Variants in HECTD2 observed in about 807,000 individuals in gnomAD.
The protein encoded by HECTD2 is HECT domain E3 ubiquitin protein ligase 2.
In HECTD2, 35 loss-of-function variants were observed where a neutral mutation model predicts 103.2. The observed-to-expected ratio is 0.34, with a 90% CI of 0.26 to 0.45. The LOEUF (loss-of-function observed/expected upper bound fraction) is 0.45, where lower values mean the gene tolerates loss of function less well. HECTD2 is among the 20% of genes least tolerant of loss of function. The pLI is 1.00. For missense variants in HECTD2, 596 were observed against 937.4 expected (o/e 0.64, Z 4.76); for synonymous variants, 281 against 329.9 (o/e 0.85, Z 1.61).
At chr10:91,417,419 G>A (rs557026179) in intron 1 of HECTD2, among the ~76,000 whole-genome samples, 7 of 151,238 alleles carry the variant, frequency 4.6e-5, no homozygotes, top group South Asian at 4.2e-4. Flanking sequence ...TGTGCACAAC[G>A]TGCAGTTCTG....
chr10:91,439,479 A>G (rs1379333378), intron 2 of HECTD2, among the ~76,000 whole-genome samples: 1 of 152,092 alleles, frequency 6.6e-6, no homozygotes, highest in Admixed American at 6.6e-5. Flanking sequence ...TGTTTTGGTT[A>G]CTGTAGCCTT....
chr10:91,422,586 T>C (rs896926690), intron 1 of HECTD2, among the ~76,000 whole-genome samples: 1 of 152,166 alleles, frequency 6.6e-6, no homozygotes, highest in African/African-American at 2.4e-5. Flanking sequence ...CTAATACATA[T>C]AATAAGGAAT....
chr10:91,461,452 A>T (rs1179731730), intron 4 of HECTD2, 96 bp downstream of exon 4: 1 of 603,596 alleles, frequency 1.7e-6, no homozygotes, highest in Non-Finnish European at 2.9e-6. Context: ...TATTGATTTA[A>T]ACATGCATAT....
In HECTD2 at chr10:91,460,542, G is replaced by A; in HGVS notation, c.384G>A (p.Gln128=). Residue 128 remains glutamine, a synonymous_variant, in exon 3 of 21, where the codon CAG becomes CAA. Coordinates refer to ENST00000298068, the MANE Select transcript of HECTD2 (RefSeq NM_182765.6). ...TTCCAGAACCTATTCTTCCTATCCA[G>A]CCCAAAACTGTGAAAGACTTTCAGT... ...PVLPEPILPI[Q]PKTVKDFQED... 6.2e-7 allele frequency: 1 copy of A among 1,610,104 alleles called. No individual in the cohort carries two copies. The highest frequency in any genetic ancestry group is 8.5e-7 in the Non-Finnish European group (1 of 1,178,598).
rs1238410333 is a variant in HECTD2, at chr10:91,512,581, G to C, written c.*197G>C. Reference sequence around the variant, plus strand: ...CTAAAAACACACACAGAAATCGCTTGAGTGAGGAAAAGTCCACATGGCAGA... The same window carrying C: ...CTAAAAACACACACAGAAATCGCTTCAGTGAGGAAAAGTCCACATGGCAGA... On this transcript the variant is annotated 3_prime_UTR_variant, in exon 21 of 21. Transcript: ENST00000298068. 5.7e-6 allele frequency: 3 copies of C among 529,150 alleles called. No individual in the cohort carries two copies. The highest frequency in any genetic ancestry group is 9.9e-6 in the Non-Finnish European group (3 of 303,794). The allele number at this position is 529,150 out of a possible 1,614,324, so 32.8% of individuals were successfully genotyped here. A position where few individuals can be genotyped will look rare whatever the true frequency, so the allele number is the denominator to read the frequency against.
At chr10:91,440,335 T>C (rs780408774) in intron 2 of HECTD2, among the ~76,000 whole-genome samples, 1 of 152,072 alleles carries the variant, frequency 6.6e-6, no homozygotes, top group African/African-American at 2.4e-5. Flanking sequence ...TTGAGAAAAT[T>C]GTGTGGTTTT....
chr10:91,477,967 CAT>C (rs916497099), intron 5 of HECTD2, among the ~76,000 whole-genome samples: 5 of 152,126 alleles, frequency 3.3e-5, no homozygotes, highest in African/African-American at 1.2e-4. Flanking sequence ...CAACCACCAC[CAT>C]ATATGTTTGT....
intron 1 of HECTD2, among the ~76,000 whole-genome samples, chr10:91,414,780 G>C (rs1843052454): frequency 6.6e-6 from 1 of 152,202 alleles, no homozygotes; most frequent in Admixed American, 6.5e-5. Flanking sequence ...AAAAATTAGT[G>C]AGTAATAAAG....
rs1006377520 is a variant in HECTD2, at chr10:91,446,278, TCTAA to T, written c.269-14146_269-14143del. Among the ~76,000 whole-genome samples the T allele has an allele frequency of 3.6e-5, 5 of 138,390 alleles. No homozygotes were observed. The Admixed American group carries it at 3.7e-4, about 10-fold the overall frequency. 90.8% of individuals were successfully genotyped at this position (138,390 alleles called of 152,430 possible). On this transcript the variant is annotated intron_variant, in intron 2 of 20. Transcript: ENST00000298068. ...CAGCAAACTCCAGCAGACCTTTCCT[TCTAA>T]CTGTTAGAAGGAAAACTAACAAACA...
chr10:91,483,283 T>C (rs936244114), intron 8 of HECTD2, among the ~76,000 whole-genome samples: 1 of 152,028 alleles, frequency 6.6e-6, no homozygotes, highest in African/African-American at 2.4e-5. Context: ...AAGTAACCAA[T>C]TTGTTTGCAC....
At chr10:91,483,299 G>A (rs988954090) in intron 8 of HECTD2, among the ~76,000 whole-genome samples, 3 of 151,924 alleles carry the variant, frequency 2.0e-5, no homozygotes, top group African/African-American at 7.2e-5. Context: ...TGCACAAGCT[G>A]TTGAGAATTT....
At chr10:91,428,286 A>G (rs1843665774) in intron 2 of HECTD2, among the ~76,000 whole-genome samples, 1 of 151,322 alleles carries the variant, frequency 6.6e-6, no homozygotes, top group African/African-American at 2.4e-5. Flanking sequence ...GTAGCCTTGT[A>G]GTATAGTTTG....
At chr10:91,432,897 C>T (rs1843951383) in intron 2 of HECTD2, among the ~76,000 whole-genome samples, 1 of 151,910 alleles carries the variant, frequency 6.6e-6, no homozygotes, top group Non-Finnish European at 1.5e-5. Context: ...CAGCTGAAAT[C>T]GCAATTGGAT....
chr10:91,504,795 C>T (rs1456651788), intron 20 of HECTD2, among the ~76,000 whole-genome samples: 57 of 151,710 alleles, frequency 3.8e-4, no homozygotes, highest in African/African-American at 1.1e-3. Flanking sequence ...AGATACTCCT[C>T]GAGAAGAGCA....
At chr10:91,415,386 C>G (rs905889586) in intron 1 of HECTD2, among the ~76,000 whole-genome samples, 55 of 152,206 alleles carry the variant, frequency 3.6e-4, no homozygotes, top group African/African-American at 1.2e-3. Context: ...ACAGATATTA[C>G]AAATATACAA....
intron 2 of HECTD2, among the ~76,000 whole-genome samples, chr10:91,427,577 T>C (rs1233978799): frequency 3.3e-5 from 5 of 152,338 alleles, no homozygotes; most frequent in Non-Finnish European, 7.3e-5. Context: ...ATTGTGGTTT[T>C]GATTTGCATT....
intron 14 of HECTD2, among the ~76,000 whole-genome samples, chr10:91,494,709 C>T (rs1029962818): frequency 2.0e-5 from 3 of 151,956 alleles, no homozygotes; most frequent in Non-Finnish European, 4.4e-5. Flanking sequence ...TCTGAGACTC[C>T]TGTTTATATT....
chr10:91,496,442 C>T (rs1281752269), intron 15 of HECTD2, 70 bp downstream of exon 15: 8 of 1,017,692 alleles, frequency 7.9e-6, no homozygotes, highest in South Asian at 1.7e-5. Context: ...CACAGTCTCT[C>T]CTCCTAATGC....
intron 2 of HECTD2, among the ~76,000 whole-genome samples, chr10:91,431,058 C>G (rs542923993): frequency 5.3e-5 from 8 of 151,222 alleles, no homozygotes; most frequent in Non-Finnish European, 1.0e-4. Flanking sequence ...TTCAGGAGCT[C>G]TTTTAGGGCA....
Sources: gnomAD v4.1 joint callset for allele counts (sites outside exome capture counted in the v4.1 genomes callset) on GRCh38, gnomAD v4.1.1 for gene constraint, MANE v1.5 for transcripts, NCBI Gene and HGNC (gene_info 2026-07-23, HGNC 2026-07-21) for gene names.